The following KLF13 variants were observed in gnomAD, a reference collection of about 807,000 sequenced individuals.
KLF13 encodes KLF transcription factor 13, also known as Krueppel-like factor 13.
Under a neutral mutation model 16.7 loss-of-function variants are expected in KLF13, and 8 were observed. The ratio of observed to expected loss-of-function variants is 0.48; its 90% CI spans 0.28 to 0.87. The LOEUF (loss-of-function observed/expected upper bound fraction) is 0.87. Among genes scored for constraint, KLF13 ranks in the 40% least tolerant of loss-of-function variants. The pLI is 0.10. For synonymous variants in KLF13, 245 were observed against 208.4 expected (o/e 1.18, Z -1.51); for missense variants, 447 against 452.2 (o/e 0.99, Z 0.10).
chr15:31,414,851 C>A (rs2040237118), intron 1 of KLF13, among the ~76,000 whole-genome samples: 1 of 152,144 alleles, frequency 6.6e-6, no homozygotes, highest in Non-Finnish European at 1.5e-5. Flanking sequence ...CTACACCTAA[C>A]AGACAACTAT....
chr15:31,340,111 C>T (rs143544672), intron 1 of KLF13: 11 of 693,638 alleles, frequency 1.6e-5, no homozygotes, highest in African/African-American at 7.0e-5. Context: ...GTCTCGTCTT[C>T]GTTGTAGGCC....
At chr15:31,400,364 G>A (rs1452470492) in intron 2 of KLF13, among the ~76,000 whole-genome samples, 1 of 152,232 alleles carries the variant, frequency 6.6e-6, no homozygotes, top group East Asian at 1.9e-4. Flanking sequence ...AAGGACAGAA[G>A]GGGACCCCAC....
chr15:31,372,193 C>T lies in KLF13; in HGVS notation c.761C>T (p.Pro254Leu), dbSNP rs775602171. Residue 254 changes from proline to leucine, a missense_variant, in exon 2 of 2, where the codon CCG (proline) becomes CTG (leucine). Around this residue, in one of 2 missense-constraint regions of KLF13, gnomAD observed 88 missense variants for 169.5 expected, o/e 0.52. Coordinates refer to ENST00000307145, the MANE Select transcript of KLF13 (RefSeq NM_015995.4). ...KHARRHANFHPGMLQRRGGGS... is the reference protein window; with the variant it reads ...KHARRHANFHLGMLQRRGGGS... ...GCGCGCCGCCACGCCAACTTCCACC[C>T]GGGAATGCTGCAGCGGCGCGGCGGG... 61 of 1,610,592 alleles carry T rather than the reference C, an allele frequency of 3.8e-5. No individual in the cohort carries two copies. The highest frequency in any genetic ancestry group is 5.1e-5 in the Non-Finnish European group (60 of 1,179,216).
chr15:31,354,476 G>A (rs2039268103), intron 1 of KLF13, among the ~76,000 whole-genome samples: 1 of 152,188 alleles, frequency 6.6e-6, no homozygotes, highest in African/African-American at 2.4e-5. Context: ...TGCCTCCCGC[G>A]TTCAAGCAAT....
chr15:31,345,866 C>A (rs2039107185), intron 1 of KLF13, among the ~76,000 whole-genome samples: 1 of 152,132 alleles, frequency 6.6e-6, no homozygotes, highest in African/African-American at 2.4e-5. Context: ...AAATGACCTT[C>A]TGGGGAGGGC....
rs139306956 is a variant in KLF13 at position 31,433,152 on chromosome 15, T to C, written n.118-2218T>C. Reference sequence around the variant, plus strand: ...CTTGTTGGGTCTTGCTTTTATGATTTGTTAGGTGGGCGTGGAGCAGTGCTT... The same window carrying C: ...CTTGTTGGGTCTTGCTTTTATGATTCGTTAGGTGGGCGTGGAGCAGTGCTT... On this transcript the variant is annotated intron_variant and non_coding_transcript_variant, in intron 1 of 1. Coordinates refer to the KLF13 transcript ENST00000558225. Among the ~76,000 whole-genome samples, 520 of 152,328 alleles carry C rather than the reference T, an allele frequency of 3.4e-3. 10 individuals carry two copies. Among genetic ancestry groups the C allele is most frequent in the East Asian group, 3.1e-3 (16 of 5,186 alleles).
intron 1 of KLF13, among the ~76,000 whole-genome samples, chr15:31,339,220 C>T (rs1043322222): frequency 2.0e-5 from 3 of 151,960 alleles, no homozygotes; most frequent in East Asian, 1.9e-4. Flanking sequence ...TTCCCATTGT[C>T]TCAAGTTTCT....
downstream of KLF13, among the ~76,000 whole-genome samples, chr15:31,379,585 C>A (rs1354571217): frequency 6.6e-6 from 1 of 152,308 alleles, no homozygotes; most frequent in South Asian, 2.1e-4. Flanking sequence ...TTCAGAGGCC[C>A]CCGGTAATGG....
chr15:31,331,859 C>T (rs1393536406), intron 1 of KLF13, among the ~76,000 whole-genome samples: 1 of 152,196 alleles, frequency 6.6e-6, no homozygotes, highest in East Asian at 1.9e-4. Context: ...TGTGTGTGTC[C>T]ACGTAGACAT....
At chr15:31,417,550 C>CT (rs887751828) in intron 1 of KLF13, among the ~76,000 whole-genome samples, 15 of 150,772 alleles carry the variant, frequency 9.9e-5, no homozygotes, top group African/African-American at 2.7e-4. Context: ...CTTTTTTTTC[C>CT]TTTTTTTTAA....
intron 1 of KLF13, among the ~76,000 whole-genome samples, chr15:31,429,497 G>A (rs1012610600): frequency 6.6e-6 from 1 of 152,136 alleles, no homozygotes; most frequent in African/African-American, 2.4e-5. Flanking sequence ...TGAAAGTGTT[G>A]TGGAGATGGA....
intron 1 of KLF13, among the ~76,000 whole-genome samples, chr15:31,431,150 C>G (rs2040466785): frequency 6.6e-6 from 1 of 152,220 alleles, no homozygotes; most frequent in Admixed American, 6.5e-5. Context: ...CTTTCTCTCA[C>G]TCCACCATGT....
At chr15:31,378,288 C>T (rs939129251), downstream of KLF13, among the ~76,000 whole-genome samples, 35 of 152,174 alleles carry the variant, frequency 2.3e-4, no homozygotes, top group Admixed American at 2.6e-4. Flanking sequence ...ACCCCAGATG[C>T]GCTGCTTGCC....
Position 31,377,012 on chromosome 15 carries a change from G to A in KLF13, c.*4713G>A, listed in dbSNP as rs1462002860. ...GGAAGTCATGGGGGTGGGGGTGGGA[G>A]CACGGGAACAGCTTTCTTAAGGCCT... is the stretch of plus-strand genomic sequence containing the variant. On this transcript the variant is annotated 3_prime_UTR_variant, in exon 2 of 2. Transcript: ENST00000307145. 2.0e-5 allele frequency: 3 copies of A among 151,926 alleles called. No individual in the cohort carries two copies. The highest frequency in any genetic ancestry group is 4.4e-5 in the Non-Finnish European group (3 of 67,996). 9.4% of individuals were successfully genotyped at this position (151,926 alleles called of 1,614,324 possible).
At chr15:31,395,068 C>T (rs975830710) in intron 2 of KLF13, among the ~76,000 whole-genome samples, 15 of 152,322 alleles carry the variant, frequency 9.8e-5, no homozygotes, top group African/African-American at 3.6e-4. Flanking sequence ...CAACCTCCAC[C>T]TCCTGGATTC....
At chr15:31,397,458 A>G (rs1471248630) in intron 2 of KLF13, among the ~76,000 whole-genome samples, 1 of 152,224 alleles carries the variant, frequency 6.6e-6, no homozygotes, top group Admixed American at 6.5e-5. Flanking sequence ...GCTGCAGGCC[A>G]AGAGGTCCAG....
intron 1 of KLF13, chr15:31,420,030 T>C (rs1400788133): frequency 3.1e-6 from 1 of 322,664 alleles, no homozygotes; most frequent in Non-Finnish European, 6.0e-6. Flanking sequence ...AGGAGTGAGA[T>C]GTTATATTCA....
intron 2 of KLF13, among the ~76,000 whole-genome samples, chr15:31,393,945 G>C (rs2140985664): frequency 6.6e-6 from 1 of 152,288 alleles, no homozygotes; most frequent in East Asian, 1.9e-4. Flanking sequence ...AGCCTGGACT[G>C]CCTTTGCCCT....
chr15:31,411,562 A>ATTTTT (rs542831225), intron 1 of KLF13, among the ~76,000 whole-genome samples: 3 of 137,728 alleles, frequency 2.2e-5, no homozygotes, highest in African/African-American at 5.4e-5. Flanking sequence ...CACCTGGCTA[A>ATTTTT]TTTTTTTTTT....
Sources: gnomAD v4.1 joint callset for allele counts (sites outside exome capture counted in the v4.1 genomes callset) on GRCh38, gnomAD v4.1.1 for gene constraint, gnomAD v4.1.1 regional missense constraint, MANE v1.5 for transcripts, NCBI Gene and HGNC (gene_info 2026-07-23, HGNC 2026-07-21) for gene names.